DENND1A: variants seen among roughly 807,000 people sequenced by gnomAD.
DENND1A encodes DENN domain-containing protein 1A.
In DENND1A, 51 loss-of-function variants were observed where a neutral mutation model predicts 113.7. That is an observed-to-expected ratio of 0.45 (90% CI 0.36 to 0.57). The LOEUF (loss-of-function observed/expected upper bound fraction) is 0.57, where lower values mean the gene tolerates loss of function less well. Among genes scored for constraint, DENND1A ranks in the 20% least tolerant of loss-of-function variants. DENND1A has a pLI of 0.00. For synonymous variants in DENND1A, 565 were observed against 570.8 expected, an observed-to-expected ratio of 0.99 and a Z score of 0.14; for missense variants, 1,258 against 1,395.9, an observed-to-expected ratio of 0.90 and a Z score of 1.57.
intron 13 of DENND1A, among the ~76,000 whole-genome samples, chr9:123,491,612 C>T (rs1314381706): frequency 2.0e-5 from 3 of 152,214 alleles, no homozygotes; most frequent in African/African-American, 7.2e-5. Flanking sequence ...AGCTCCTCCC[C>T]ACTTACAGAT....
intron 1 of DENND1A, among the ~76,000 whole-genome samples, chr9:123,884,392 A>G (rs551961522): frequency 6.6e-6 from 1 of 152,208 alleles, no homozygotes; most frequent in African/African-American, 2.4e-5. Flanking sequence ...TTCCCAGAAC[A>G]CTTCATGATA....
At position 123,390,875 on chromosome 9, in the gene DENND1A, A is replaced by G. The variant is rs2042806178; in HGVS notation, c.1632-3017T>C. Among the ~76,000 whole-genome samples the G allele has an allele frequency of 3.9e-5, 6 of 152,322 alleles. No individual in the cohort carries two copies. In the South Asian group the frequency reaches 1.2e-3, roughly 32 times the overall value. On this transcript the variant is annotated intron_variant, in intron 21 of 23. Coordinates refer to ENST00000394215, the MANE Select transcript of DENND1A (RefSeq NM_001352964.2). ...CACCTTGGTTGCCTTTCCGACACCT[A>G]TCCAAGCACGGGCCCCCACCTCTGG...
chr9:123,677,716 G>A (rs2064175238), intron 5 of DENND1A, among the ~76,000 whole-genome samples: 1 of 152,198 alleles, frequency 6.6e-6, no homozygotes, highest in Admixed American at 6.5e-5. Context: ...TTATAGGCGT[G>A]AGCCACCTGG....
At chr9:123,520,407 C>T (rs1271099582) in intron 13 of DENND1A, among the ~76,000 whole-genome samples, 2 of 152,112 alleles carry the variant, frequency 1.3e-5, no homozygotes, top group Admixed American at 6.5e-5. Context: ...GAGCCGAGAT[C>T]GTGTCATTGC....
intron 3 of DENND1A, among the ~76,000 whole-genome samples, chr9:123,775,667 T>C (rs944834899): frequency 2.0e-5 from 3 of 152,202 alleles, no homozygotes; most frequent in African/African-American, 7.2e-5. Flanking sequence ...GAAAAATCTT[T>C]CATTATCAAG....
intron 21 of DENND1A, among the ~76,000 whole-genome samples, 184 bp from the exon 22 acceptor site, chr9:123,388,042 G>A (rs1031712698): frequency 6.6e-6 from 1 of 152,190 alleles, no homozygotes; most frequent in African/African-American, 2.4e-5. Flanking sequence ...AATTTGCCAC[G>A]TGTCCAGAGC....
At chr9:123,553,710 T>C (rs1405390421) in intron 13 of DENND1A, among the ~76,000 whole-genome samples, 4 of 152,170 alleles carry the variant, frequency 2.6e-5, no homozygotes, top group Admixed American at 2.0e-4. Flanking sequence ...GTATCTCACC[T>C]TGCGACGATA....
intron 2 of DENND1A, among the ~76,000 whole-genome samples, chr9:123,817,331 G>C (rs1837661207): frequency 6.6e-6 from 1 of 152,078 alleles, no homozygotes; most frequent in Non-Finnish European, 1.5e-5. Flanking sequence ...CACTGTAGGA[G>C]GTTAAAAAAG....
intron 11 of DENND1A, among the ~76,000 whole-genome samples, chr9:123,590,691 C>A (rs10818847): frequency 0.058 from 8,873 of 152,208 alleles, 360 homozygotes; most frequent in African/African-American, 0.1. Context: ...TCGTATAAAA[C>A]TGTCAAAATG....
At chr9:123,454,318 C>T (rs2047951239) in intron 16 of DENND1A, among the ~76,000 whole-genome samples, 2 of 152,198 alleles carry the variant, frequency 1.3e-5, no homozygotes, top group Non-Finnish European at 1.5e-5. Flanking sequence ...ATCAAGACAC[C>T]TCACAACAAC....
At chr9:123,527,906 G>A (rs940971213) in intron 13 of DENND1A, among the ~76,000 whole-genome samples, 1 of 152,226 alleles carries the variant, frequency 6.6e-6, no homozygotes, top group Admixed American at 6.5e-5. Flanking sequence ...ATTGTTTAAT[G>A]TCTCAGAATC....
At chr9:123,440,604 T>TG in intron 18 of DENND1A, 113 bp from the exon 19 acceptor site, 2 of 1,340,496 alleles carry the variant, frequency 1.5e-6, no homozygotes, top group Non-Finnish European at 1.9e-6. Flanking sequence ...ATTCTGAGCC[T>TG]GACCTCTTGA....
chr9:123,425,087 C>T (rs922141744), intron 19 of DENND1A, among the ~76,000 whole-genome samples: 1 of 152,224 alleles, frequency 6.6e-6, no homozygotes, highest in Non-Finnish European at 1.5e-5. Context: ...GCCACAGATA[C>T]AGAGCTGACT....
chr9:123,524,504 G>A (rs1365547651), intron 13 of DENND1A, among the ~76,000 whole-genome samples: 1 of 152,170 alleles, frequency 6.6e-6, no homozygotes, highest in Non-Finnish European at 1.5e-5. Flanking sequence ...ACACAGATGA[G>A]CCATGCCCTG....
At chr9:123,577,136 C>CTA (rs143359241) in intron 12 of DENND1A, among the ~76,000 whole-genome samples, 10,024 of 152,168 alleles carry the variant, frequency 0.066, 393 homozygotes, top group Middle Eastern at 0.12. Context: ...TGATATTATG[C>CTA]TATAGGATCA....
chr9:123,494,347 T>C (rs954345266), intron 13 of DENND1A, among the ~76,000 whole-genome samples: 1 of 152,274 alleles, frequency 6.6e-6, no homozygotes. Context: ...GTCCTGGGAA[T>C]ACACCCGCAC....
At chr9:123,565,806 CA>C (rs2136221001) in intron 12 of DENND1A, among the ~76,000 whole-genome samples, 1 of 152,284 alleles carries the variant, frequency 6.6e-6, no homozygotes, top group African/African-American at 2.4e-5. Flanking sequence ...GTTCTTGCCT[CA>C]AATTCAAAAC....
chr9:123,448,978 C>T (rs1178991515), intron 18 of DENND1A, among the ~76,000 whole-genome samples: 3 of 152,142 alleles, frequency 2.0e-5, no homozygotes, highest in East Asian at 1.9e-4. Context: ...AGTAGGTGAT[C>T]CCAAACATCT....
chr9:123,871,491 G>A (rs1213799589), intron 2 of DENND1A, among the ~76,000 whole-genome samples: 2 of 152,152 alleles, frequency 1.3e-5, no homozygotes, highest in Non-Finnish European at 2.9e-5. Context: ...TTACAGTCCT[G>A]TAAAATGAAA....
Sources: allele counts gnomAD v4.1 joint callset (sites outside exome capture counted in the v4.1 genomes callset), GRCh38; gene constraint gnomAD v4.1.1; transcripts MANE v1.5; gene names NCBI Gene and HGNC (gene_info 2026-07-23, HGNC 2026-07-21).